SCAPER: variants seen among roughly 807,000 people sequenced by gnomAD.
SCAPER encodes the protein S phase cyclin A-associated protein in the endoplasmic reticulum.
A neutral mutation model predicts 182.2 loss-of-function variants in SCAPER; 98 were observed. The ratio of observed to expected loss-of-function variants is 0.54; its 90% CI spans 0.46 to 0.64. The LOEUF (loss-of-function observed/expected upper bound fraction) is 0.64, where lower values mean the gene tolerates loss of function less well. SCAPER is among the 30% of genes least tolerant of loss of function. SCAPER has a pLI of 0.00. For missense variants in SCAPER, 1,432 were observed against 1,690.0 expected (o/e 0.85, Z 2.68); for synonymous variants, 605 against 564.6 (o/e 1.07, Z -1.01).
intron 15 of SCAPER, among the ~76,000 whole-genome samples, chr15:76,752,237 T>TA (rs1194284988): frequency 6.6e-6 from 1 of 151,520 alleles, no homozygotes; most frequent in Non-Finnish European, 1.5e-5. Context: ...TGATGGGAGT[T>TA]AGAGAGGATA....
intron 29 of SCAPER, among the ~76,000 whole-genome samples, chr15:76,356,117 C>T (rs1029396383): frequency 6.6e-6 from 1 of 152,128 alleles, no homozygotes; most frequent in African/African-American, 2.4e-5. Context: ...GCTGTCTTTC[C>T]AACCACATTT....
chr15:76,635,270 A>G (rs914783323), intron 21 of SCAPER, among the ~76,000 whole-genome samples: 2 of 152,108 alleles, frequency 1.3e-5, no homozygotes, highest in Admixed American at 6.6e-5. Flanking sequence ...GCACTCAAAT[A>G]CATATCTACA....
At chr15:76,417,359 G>T (rs1596509112) in intron 26 of SCAPER, among the ~76,000 whole-genome samples, 1 of 152,240 alleles carries the variant, frequency 6.6e-6, no homozygotes, top group Non-Finnish European at 1.5e-5. Context: ...ATCATCTGCT[G>T]CTGCAAGACA....
intron 1 of SCAPER, among the ~76,000 whole-genome samples, chr15:76,897,718 G>A (rs565228087): frequency 6.6e-6 from 1 of 152,142 alleles, no homozygotes; most frequent in South Asian, 2.1e-4. Flanking sequence ...AAAAGAAAAA[G>A]ACTGAATTAT....
intron 22 of SCAPER, among the ~76,000 whole-genome samples, chr15:76,611,808 T>A (rs1277702547): frequency 6.6e-6 from 1 of 152,190 alleles, no homozygotes; most frequent in African/African-American, 2.4e-5. Context: ...TCAATAAATA[T>A]TATTCATCAC....
chr15:76,850,749 A>T (rs1321031573), intron 4 of SCAPER, among the ~76,000 whole-genome samples: 1 of 151,836 alleles, frequency 6.6e-6, no homozygotes, highest in Non-Finnish European at 1.5e-5. Context: ...AATCCCAGCT[A>T]CTCAGGAGGA....
intron 8 of SCAPER, among the ~76,000 whole-genome samples, chr15:76,782,879 G>T (rs1420883315): frequency 1.3e-5 from 2 of 152,190 alleles, no homozygotes. Context: ...CACATTTAAA[G>T]CAGTGTGTAA....
chr15:76,407,151 T>C (rs964543701), intron 26 of SCAPER, among the ~76,000 whole-genome samples: 3 of 152,192 alleles, frequency 2.0e-5, no homozygotes, highest in Non-Finnish European at 4.4e-5. Flanking sequence ...AACTTTGTCA[T>C]TGTGCAAACA....
At chr15:76,745,376 G>A (rs955586305) in intron 15 of SCAPER, among the ~76,000 whole-genome samples, 5 of 152,290 alleles carry the variant, frequency 3.3e-5, no homozygotes, top group African/African-American at 7.2e-5. Flanking sequence ...TTGAACCCGG[G>A]AGGCAGCTGT....
chr15:76,607,156 G>A (rs1237998525), intron 22 of SCAPER, among the ~76,000 whole-genome samples: 2 of 152,196 alleles, frequency 1.3e-5, no homozygotes, highest in Non-Finnish European at 2.9e-5. Flanking sequence ...GGCTGGTACT[G>A]GTTGTTCCTT....
chr15:76,854,402 G>A (rs531628132), intron 4 of SCAPER, among the ~76,000 whole-genome samples: 2 of 152,192 alleles, frequency 1.3e-5, no homozygotes, highest in South Asian at 4.2e-4. Flanking sequence ...CAGCTAACCA[G>A]GGAGGAGAAA....
chr15:76,430,501 G>A (rs2046790479), intron 26 of SCAPER, among the ~76,000 whole-genome samples: 1 of 152,244 alleles, frequency 6.6e-6, no homozygotes, highest in Non-Finnish European at 1.5e-5. Context: ...GCAACAGTGT[G>A]ACCTGGATGT....
chr15:76,475,260 C>T (rs778163243), intron 24 of SCAPER, among the ~76,000 whole-genome samples: 2 of 151,980 alleles, frequency 1.3e-5, no homozygotes, highest in Non-Finnish European at 2.9e-5. Context: ...CCCATTTTCC[C>T]ATATCTTAAT....
intron 23 of SCAPER, among the ~76,000 whole-genome samples, chr15:76,546,250 T>C (rs1232329337): frequency 6.6e-6 from 1 of 152,204 alleles, no homozygotes; most frequent in Non-Finnish European, 1.5e-5. Context: ...TTTATGTTAT[T>C]GAGTACCACT....
intron 2 of SCAPER, among the ~76,000 whole-genome samples, chr15:76,870,721 A>G (rs2072657313): frequency 6.6e-6 from 1 of 152,094 alleles, no homozygotes; most frequent in Admixed American, 6.5e-5. Context: ...CAAAAGAGAC[A>G]TAAGAAATTT....
chr15:76,652,305 T>C (rs1291255695), intron 21 of SCAPER, among the ~76,000 whole-genome samples: 268 of 23,532 alleles, frequency 0.011, 15 homozygotes, highest in African/African-American at 0.036. Context: ...TATATATATA[T>C]ATATACACAC....
At chr15:76,853,614 C>G (rs114749942) in intron 4 of SCAPER, among the ~76,000 whole-genome samples, 2 of 150,928 alleles carry the variant, frequency 1.3e-5, no homozygotes, top group South Asian at 2.1e-4. Context: ...TATAACTCAA[C>G]ATATCTTCAC....
At chr15:76,632,889 C>T (rs1712350293) in intron 21 of SCAPER, among the ~76,000 whole-genome samples, 2 of 151,674 alleles carry the variant, frequency 1.3e-5, no homozygotes, top group African/African-American at 4.9e-5. Context: ...ATTCTCCTGC[C>T]TCAGCCTCCT....
chr15:76,804,510 A>G, intron 6 of SCAPER, 23 bp downstream of exon 6: 1 of 1,501,226 alleles, frequency 6.7e-7, no homozygotes, highest in Non-Finnish European at 9.2e-7. Flanking sequence ...TGATAGGAAG[A>G]TTGAGACCAG....
Sources: gnomAD v4.1 joint callset for allele counts (sites outside exome capture counted in the v4.1 genomes callset) on GRCh38, gnomAD v4.1.1 for gene constraint, MANE v1.5 for transcripts, NCBI Gene and HGNC (gene_info 2026-07-23, HGNC 2026-07-21) for gene names.